The following VPS13A variants were observed in gnomAD, a reference collection of about 807,000 sequenced individuals.
The protein encoded by VPS13A is intermembrane lipid transfer protein VPS13A.
A neutral mutation model predicts 390.9 loss-of-function variants in VPS13A; 264 were observed. The ratio of observed to expected loss-of-function variants is 0.68; its 90% CI spans 0.61 to 0.75. The LOEUF is 0.75. Ranked by LOEUF, VPS13A falls within the 30% of genes least tolerant of loss-of-function variation. VPS13A has a pLI of 0.00. For synonymous variants in VPS13A, 1,231 were observed against 1,227.1 expected (o/e 1.00, Z -0.07); for missense variants, 3,409 against 3,733.9 (o/e 0.91, Z 2.27).
intron 4 of VPS13A, 39 bp downstream of exon 4, chr9:77,205,447 T>C (rs762808261): frequency 2.0e-6 from 2 of 990,440 alleles, no homozygotes; most frequent in Non-Finnish European, 2.8e-6. Context: ...TAAGTTATTC[T>C]TTTTTATGGA....
intron 68 of VPS13A, chr9:77,384,676 A>G (rs1187190115): frequency 6.2e-7 from 1 of 1,601,794 alleles, no homozygotes; most frequent in Non-Finnish European, 8.5e-7. Flanking sequence ...TCAGATCTAA[A>G]CCATTAAAAT....
intron 59 of VPS13A, among the ~76,000 whole-genome samples, chr9:77,363,401 T>A (rs58289787): frequency 0.066 from 6,777 of 102,950 alleles, 443 homozygotes; most frequent in African/African-American, 0.22. Flanking sequence ...TTTTTTTTTT[T>A]TTATTTTTTT....
intron 41 of VPS13A, 43 bp from the exon 42 acceptor site, chr9:77,319,529 C>G (rs772950635): frequency 7.7e-7 from 1 of 1,307,168 alleles, no homozygotes; most frequent in East Asian, 2.3e-5. Flanking sequence ...TGGTGGGAAA[C>G]AGGATGGAAG....
chr9:77,396,929 T>C (rs1435705671), intron 68 of VPS13A, among the ~76,000 whole-genome samples: 1 of 152,218 alleles, frequency 6.6e-6, no homozygotes, highest in Non-Finnish European at 1.5e-5. Context: ...TAAAACCATT[T>C]GTTATCTATA....
At chr9:77,339,951 A>G (rs1369798750) in intron 48 of VPS13A, 40 bp downstream of exon 48, 4 of 1,594,282 alleles carry the variant, frequency 2.5e-6, no homozygotes, top group Non-Finnish European at 3.4e-6. Context: ...GTCTTTAGCT[A>G]CTTGTCACTT....
At chr9:77,402,236 A>C (rs1465290645) in intron 68 of VPS13A, among the ~76,000 whole-genome samples, 2 of 152,180 alleles carry the variant, frequency 1.3e-5, no homozygotes, top group African/African-American at 4.8e-5. Context: ...TGTATGAGTC[A>C]TCCTGCTATT....
At chr9:77,218,800 T>A (rs1823013080) in intron 10 of VPS13A, among the ~76,000 whole-genome samples, 1 of 152,152 alleles carries the variant, frequency 6.6e-6, no homozygotes, top group African/African-American at 2.4e-5. Flanking sequence ...AAAAATAGGC[T>A]GTAGCATGGA....
intron 57 of VPS13A, among the ~76,000 whole-genome samples, chr9:77,358,817 C>T (rs941722573): frequency 6.6e-6 from 1 of 152,018 alleles, no homozygotes; most frequent in Non-Finnish European, 1.5e-5. Flanking sequence ...ACGGACAAGT[C>T]CTTTCTACCC....
At chr9:77,344,329 A>G (rs1468175767) in intron 51 of VPS13A, 48 bp downstream of exon 51, 1 of 1,577,468 alleles carries the variant, frequency 6.3e-7, no homozygotes, top group African/African-American at 1.4e-5. Context: ...AAGCTAAAAT[A>G]TACTGACTAG....
chr9:77,368,945 CCAA>C (rs1377090789), intron 62 of VPS13A, among the ~76,000 whole-genome samples: 3 of 152,228 alleles, frequency 2.0e-5, no homozygotes, highest in Non-Finnish European at 4.4e-5. Context: ...ACCACCCTGG[CCAA>C]CATGGCGAAA....
In VPS13A at chr9:77,337,250, T is replaced by C. The variant is rs759172543; in HGVS notation, c.6096-5T>C. 9.3e-6 allele frequency: 15 copies of C among 1,609,988 alleles called. No individual in the cohort carries two copies. The highest frequency in any genetic ancestry group is 1.8e-4 in the Middle Eastern group (1 of 5,502). On this transcript the variant is annotated splice_polypyrimidine_tract_variant and splice_region_variant and intron_variant, in intron 46 of 71. Transcript: ENST00000360280. ...TTTTAAACTGTATCATTTAATCTCA[T>C]GCAGATCATTCATTTTTCTGAAGCC...
chr9:77,325,407 T>TG (rs1554889584), intron 45 of VPS13A, among the ~76,000 whole-genome samples: 1 of 151,668 alleles, frequency 6.6e-6, no homozygotes, highest in African/African-American at 2.4e-5. Context: ...CCTTGTTTTT[T>TG]TTTTTTTTTT....
chr9:77,294,263 C>G (rs1000813837), intron 32 of VPS13A, among the ~76,000 whole-genome samples: 1 of 152,140 alleles, frequency 6.6e-6, no homozygotes, highest in Non-Finnish European at 1.5e-5. Flanking sequence ...ATATCAGGGA[C>G]TTTAAGGAGT....
At chr9:77,332,152 T>G in intron 46 of VPS13A, 39 bp downstream of exon 46, 81 of 1,495,778 alleles carry the variant, frequency 5.4e-5, no homozygotes, top group Non-Finnish European at 6.6e-5. Flanking sequence ...CTAAAATCTC[T>G]TGTAGAATTT....
At chr9:77,235,888 C>T (rs1436672583) in intron 17 of VPS13A, among the ~76,000 whole-genome samples, 1 of 152,048 alleles carries the variant, frequency 6.6e-6, no homozygotes, top group Non-Finnish European at 1.5e-5. Context: ...TAGAATGGTG[C>T]GAAAGTGATC....
intron 32 of VPS13A, 30 bp from the exon 33 acceptor site, chr9:77,295,512 C>T (rs1224399139): frequency 1.3e-6 from 2 of 1,548,286 alleles, no homozygotes; most frequent in South Asian, 1.2e-5. Flanking sequence ...TTATTAATAA[C>T]CTTAAGAATA....
intron 45 of VPS13A, among the ~76,000 whole-genome samples, chr9:77,326,693 AT>A (rs965212329): frequency 1.3e-5 from 2 of 151,706 alleles, no homozygotes; most frequent in Non-Finnish European, 2.9e-5. Flanking sequence ...ATTACATGTC[AT>A]TTCTGGTTTG....
chr9:77,305,466 C>T (rs1828683489), intron 34 of VPS13A: 1 of 153,344 alleles, frequency 6.5e-6, no homozygotes, highest in Non-Finnish European at 1.5e-5. Flanking sequence ...TTCCACCCAA[C>T]ATGCTGGGGC....
At chr9:77,383,112 T>G in intron 68 of VPS13A, 1 of 857,922 alleles carries the variant, frequency 1.2e-6, no homozygotes, top group Non-Finnish European at 1.4e-6. Context: ...ATTGTGATAT[T>G]TAATGTGATC....
Sources: gnomAD v4.1 joint callset for allele counts (sites outside exome capture counted in the v4.1 genomes callset) on GRCh38, gnomAD v4.1.1 for gene constraint, MANE v1.5 for transcripts, NCBI Gene and HGNC (gene_info 2026-07-23, HGNC 2026-07-21) for gene names.